The following HIVEP3 variants were observed in gnomAD, a reference collection of about 807,000 sequenced individuals.
HIVEP3 encodes the protein transcription factor HIVEP3.
A neutral mutation model predicts 152.8 loss-of-function variants in HIVEP3; 49 were observed. The ratio of observed to expected loss-of-function variants is 0.32; its 90% CI spans 0.26 to 0.41. The LOEUF is 0.41. HIVEP3 is among the 10% of genes least tolerant of loss of function. HIVEP3 has a pLI of 1.00. For missense variants in HIVEP3, 2,790 were observed against 3,103.3 expected (o/e 0.90, Z 2.40); for synonymous variants, 1,269 against 1,289.0 (o/e 0.98, Z 0.33).
At chr1:41,574,085 C>T (rs7532855) in intron 5 of HIVEP3, among the ~76,000 whole-genome samples, 2,631 of 152,222 alleles carry the variant, frequency 0.017, 70 homozygotes, top group African/African-American at 0.061. Context: ...GCGAACCTCC[C>T]CGGGCACACA....
At chr1:41,896,232 A>G (rs1644525226) in intron 1 of HIVEP3, among the ~76,000 whole-genome samples, 2 of 152,226 alleles carry the variant, frequency 1.3e-5, no homozygotes, top group African/African-American at 4.8e-5. Flanking sequence ...CCACAAAGTA[A>G]AACTCTCAAT....
chr1:41,985,060 A>G (rs113524080), intron 1 of HIVEP3, among the ~76,000 whole-genome samples: 1 of 152,010 alleles, frequency 6.6e-6, no homozygotes, highest in African/African-American at 2.4e-5. Flanking sequence ...TGGTTGGTTG[A>G]TTGATTGATT....
intron 1 of HIVEP3, among the ~76,000 whole-genome samples, chr1:41,866,515 G>C (rs1570698913): frequency 6.6e-6 from 1 of 151,404 alleles, no homozygotes; most frequent in African/African-American, 2.4e-5. Flanking sequence ...AGTGGACCTG[G>C]CTGCTCCCTG....
In HIVEP3 at chr1:41,524,958, C is replaced by T. The variant is rs375088242; in HGVS notation, c.5208-48G>A. The T allele has an allele frequency of 4.5e-6, 7 of 1,550,914 alleles. No homozygotes were observed. In the African/African-American group the frequency reaches 8.2e-5, roughly 18 times the overall value. On this transcript the variant is annotated intron_variant, in intron 5 of 8. Transcript: ENST00000372583. ...TAAAGGGAAAAAAAAGGAGAAGAGG[C>T]AGGTTCCCACCTCAGAAGACGCACG...
intron 2 of HIVEP3, among the ~76,000 whole-genome samples, chr1:41,635,475 A>G (rs1180469436): frequency 2.7e-5 from 2 of 73,342 alleles, no homozygotes; most frequent in Admixed American, 1.0e-4. Context: ...AGCAACCACA[A>G]CTATATATAT....
chr1:41,754,197 G>A (rs998136021), intron 1 of HIVEP3, among the ~76,000 whole-genome samples: 1 of 152,200 alleles, frequency 6.6e-6, no homozygotes, highest in African/African-American at 2.4e-5. Flanking sequence ...CATCAGGGTC[G>A]TGCAGGACCT....
intron 1 of HIVEP3, among the ~76,000 whole-genome samples, chr1:41,764,327 CA>C (rs1647875782): frequency 6.6e-6 from 1 of 152,072 alleles, no homozygotes; most frequent in South Asian, 2.1e-4. Flanking sequence ...GGCCTGAAAT[CA>C]ATCAGAAAAG....
chr1:41,860,324 C>G (rs1038892939), intron 1 of HIVEP3, among the ~76,000 whole-genome samples: 2 of 152,172 alleles, frequency 1.3e-5, no homozygotes, highest in African/African-American at 4.8e-5. Context: ...CCACAACAAA[C>G]ATGTTCATAA....
intron 1 of HIVEP3, among the ~76,000 whole-genome samples, chr1:41,749,961 C>T (rs549516588): frequency 1.8e-4 from 28 of 152,272 alleles, no homozygotes; most frequent in Middle Eastern, 3.4e-3. Context: ...GAAACAAAAC[C>T]CTGGCCCAGT....
At chr1:41,760,687 G>A (rs1647613420) in intron 1 of HIVEP3, among the ~76,000 whole-genome samples, 1 of 152,204 alleles carries the variant, frequency 6.6e-6, no homozygotes, top group Non-Finnish European at 1.5e-5. Flanking sequence ...GGGCTTGGGG[G>A]CCCTCTCCAC....
intron 1 of HIVEP3, among the ~76,000 whole-genome samples, chr1:42,033,097 G>A (rs554165892): frequency 3.0e-4 from 46 of 152,180 alleles, no homozygotes; most frequent in African/African-American, 1.1e-3. Flanking sequence ...CATGGTGGAG[G>A]GAGATGGGAG....
rs56258158 is a variant in HIVEP3, at chr1:41,636,959, C to CAAAA, written c.-720-8016_-720-8013dup. Among the ~76,000 whole-genome samples the CAAAA allele has an allele frequency of 2.0e-3, 250 of 127,042 alleles. 5 individuals carry two copies. The highest frequency in any genetic ancestry group is 0.012 in the South Asian group (46 of 3,944). The allele number at this position is 127,042 out of a possible 152,430, so 83.3% of individuals were successfully genotyped here. ...GGGCAACAAGAGCGAAACTCCATCT[C>CAAAA]AAAAAAAAAAAAAAAAAAAATCGGT... On this transcript the variant is annotated intron_variant, in intron 2 of 8. Coordinates refer to ENST00000372583, the MANE Select transcript of HIVEP3 (RefSeq NM_024503.5).
rs140799202 is a variant in HIVEP3 at position 41,882,847 on chromosome 1, G to A, written c.-801+35566C>T. ...GTCTTGCTAAATCCTTGCTGTTAGA[G>A]TTCAGGAGTTGGGATAGGATTTCCT... On this transcript the variant is annotated intron_variant, in intron 1 of 8. Coordinates refer to ENST00000372583, the MANE Select transcript of HIVEP3 (RefSeq NM_024503.5). 4.7e-3 allele frequency among the ~76,000 whole-genome samples: 723 copies of A among 152,328 alleles called. 7 individuals carry two copies. Among genetic ancestry groups the A allele is most frequent in the African/African-American group, 0.017 (702 of 41,562 alleles).
At chr1:41,866,323 C>T (rs937995149) in intron 1 of HIVEP3, among the ~76,000 whole-genome samples, 10 of 152,246 alleles carry the variant, frequency 6.6e-5, no homozygotes, top group African/African-American at 2.2e-4. Flanking sequence ...ACTGCAGCTG[C>T]TGCATTAGCA....
At chr1:41,732,115 A>G (rs1646848732) in intron 1 of HIVEP3, among the ~76,000 whole-genome samples, 2 of 152,020 alleles carry the variant, frequency 1.3e-5, no homozygotes. Flanking sequence ...GCAGTGTGAG[A>G]GCTTTGGATG....
intron 1 of HIVEP3, among the ~76,000 whole-genome samples, chr1:42,011,107 A>AT (rs970644094): frequency 1.2e-4 from 18 of 150,938 alleles, no homozygotes; most frequent in Non-Finnish European, 1.8e-4. Context: ...GTTGTCACAA[A>AT]TTTTTTTTTT....
At chr1:41,891,882 A>G (rs756636193) in intron 1 of HIVEP3, among the ~76,000 whole-genome samples, 2 of 152,220 alleles carry the variant, frequency 1.3e-5, no homozygotes, top group Non-Finnish European at 2.9e-5. Flanking sequence ...GGGAAAAGGC[A>G]AGGAGTAAAA....
chr1:41,839,859 C>T (rs1305755563), intron 1 of HIVEP3, among the ~76,000 whole-genome samples: 1 of 152,208 alleles, frequency 6.6e-6, no homozygotes, highest in Non-Finnish European at 1.5e-5. Flanking sequence ...AACTATTAAA[C>T]ATTCAAACCC....
At chr1:41,568,531 C>T (rs1569940957) in intron 5 of HIVEP3, among the ~76,000 whole-genome samples, 1 of 152,314 alleles carries the variant, frequency 6.6e-6, no homozygotes, top group African/African-American at 2.4e-5. Context: ...AACAGGATCA[C>T]TCTTGTTGGG....
Sources: gnomAD v4.1 joint callset for allele counts (sites outside exome capture counted in the v4.1 genomes callset) on GRCh38, gnomAD v4.1.1 for gene constraint, MANE v1.5 for transcripts, NCBI Gene and HGNC (gene_info 2026-07-23, HGNC 2026-07-21) for gene names.